The following SH3RF1 variants were observed in gnomAD, a reference collection of about 807,000 sequenced individuals.
SH3RF1 encodes the protein E3 ubiquitin-protein ligase SH3RF1.
A neutral mutation model predicts 74.0 loss-of-function variants in SH3RF1; 32 were observed. The observed-to-expected ratio is 0.43, with a 90% CI of 0.33 to 0.58. The LOEUF (loss-of-function observed/expected upper bound fraction) is 0.58. Among genes scored for constraint, SH3RF1 ranks in the 20% least tolerant of loss-of-function variants. The pLI is 0.05. For missense variants in SH3RF1, 954 were observed against 1,130.9 expected, an observed-to-expected ratio of 0.84 and a Z score of 2.24; for synonymous variants, 396 against 439.6, an observed-to-expected ratio of 0.90 and a Z score of 1.24.
chr4:169,146,232 C>CTT (rs70961576), intron 4 of SH3RF1, among the ~76,000 whole-genome samples: 8 of 132,628 alleles, frequency 6.0e-5, no homozygotes, highest in Non-Finnish European at 1.1e-4. Flanking sequence ...TATATATATA[C>CTT]TTTTTTTTTT....
chr4:169,127,960 C>A (rs990973957), intron 6 of SH3RF1, among the ~76,000 whole-genome samples: 27 of 152,090 alleles, frequency 1.8e-4, no homozygotes, highest in African/African-American at 6.3e-4. Context: ...ATCCCAAATC[C>A]AAAAATCTGA....
At chr4:169,236,451 T>A (rs1730825457) in intron 2 of SH3RF1, among the ~76,000 whole-genome samples, 1 of 152,164 alleles carries the variant, frequency 6.6e-6, no homozygotes, top group Non-Finnish European at 1.5e-5. Flanking sequence ...GTATTAAGCA[T>A]CTCAAATTTC....
At position 169,215,473 on chromosome 4, in the gene SH3RF1, A is replaced by T. The variant is rs972731378; in HGVS notation, c.393+53347T>A. Among the ~76,000 whole-genome samples, 7 of 152,200 alleles carry T rather than the reference A, an allele frequency of 4.6e-5. No homozygotes were observed. In the South Asian group the frequency reaches 1.4e-3, roughly 32 times the overall value. On this transcript the variant is annotated intron_variant, in intron 2 of 11. Transcript: ENST00000284637. The stretch of plus-strand genomic sequence containing the variant: ...TGCTGGCCTCATACAGTAAGTTACA[A>T]AGTATTCCCTCTGCATCTATCTTCT...
chr4:169,151,063 T>G (rs1417099711), intron 4 of SH3RF1, among the ~76,000 whole-genome samples: 1 of 152,188 alleles, frequency 6.6e-6, no homozygotes, highest in Non-Finnish European at 1.5e-5. Flanking sequence ...AATGTAGAAG[T>G]TGGCAAAATC....
chr4:169,226,303 A>G lies in SH3RF1; in HGVS notation c.393+42517T>C, dbSNP rs144481797. 1.1e-3 allele frequency among the ~76,000 whole-genome samples: 165 copies of G among 152,330 alleles called. 5 individuals are homozygous for G. In the East Asian group the frequency reaches 0.029, roughly 27 times the overall value. On this transcript the variant is annotated intron_variant, in intron 2 of 11. Coordinates refer to ENST00000284637, the MANE Select transcript of SH3RF1 (RefSeq NM_020870.4). ...TAAACTCCCACTTGGTTTGTCTTTC[A>G]CAGTCACTTGACATTTATAATTCAG...
intron 2 of SH3RF1, among the ~76,000 whole-genome samples, chr4:169,261,936 A>T (rs575083231): frequency 1.3e-5 from 2 of 152,234 alleles, no homozygotes; most frequent in East Asian, 3.9e-4. Context: ...TTTTTCTTAC[A>T]CTGAGTATTT....
chr4:169,185,568 A>G (rs1734587179), intron 2 of SH3RF1, among the ~76,000 whole-genome samples: 1 of 152,188 alleles, frequency 6.6e-6, no homozygotes, highest in South Asian at 2.1e-4. Context: ...TGGATAGGAA[A>G]GTGAGATAAA....
Position 169,221,086 on chromosome 4 carries a change from T to C in SH3RF1, c.393+47734A>G, listed in dbSNP as rs147817013. Among the ~76,000 whole-genome samples, 248 of 152,340 alleles carry C rather than the reference T, an allele frequency of 1.6e-3. 1 individual carries two copies. The highest frequency in any genetic ancestry group is 2.8e-3 in the Non-Finnish European group (193 of 68,032). ...GTTAATCAGAAATGAGAGGCGCACA[T>C]AGCATTTTATACTGTTTTCGATTTG... is the stretch of plus-strand genomic sequence containing the variant. On this transcript the variant is annotated intron_variant, in intron 2 of 11. Transcript: ENST00000284637.
intron 2 of SH3RF1, among the ~76,000 whole-genome samples, chr4:169,201,536 A>C (rs1734908255): frequency 6.6e-6 from 1 of 152,258 alleles, no homozygotes; most frequent in South Asian, 2.1e-4. Context: ...GAGACCAGGC[A>C]TTTAGACTTC....
intron 2 of SH3RF1, among the ~76,000 whole-genome samples, chr4:169,215,233 T>G (rs1730443840): frequency 6.6e-6 from 1 of 152,212 alleles, no homozygotes; most frequent in Non-Finnish European, 1.5e-5. Context: ...CTTCTTTAGT[T>G]TGTTGCTGTG....
chr4:169,234,906 T>C (rs2127009394), intron 2 of SH3RF1, among the ~76,000 whole-genome samples: 1 of 152,196 alleles, frequency 6.6e-6, no homozygotes, highest in East Asian at 1.9e-4. Context: ...ACCCACGAGA[T>C]GCCAGTAGCA....
chr4:169,191,754 C>T (rs1479512201), intron 2 of SH3RF1, among the ~76,000 whole-genome samples: 1 of 152,044 alleles, frequency 6.6e-6, no homozygotes, highest in Non-Finnish European at 1.5e-5. Flanking sequence ...TTATAGCCAA[C>T]TGATCTTCGA....
chr4:169,215,256 A>G (rs1730443989), intron 2 of SH3RF1, among the ~76,000 whole-genome samples: 1 of 152,186 alleles, frequency 6.6e-6, no homozygotes, highest in Non-Finnish European at 1.5e-5. Context: ...GGATTACATT[A>G]ATTGATTTTT....
At chr4:169,232,525 CTCA>C (rs1293536814) in intron 2 of SH3RF1, among the ~76,000 whole-genome samples, 1 of 152,188 alleles carries the variant, frequency 6.6e-6, no homozygotes, top group East Asian at 1.9e-4. Context: ...TCCAAGACTT[CTCA>C]TCATCCCACT....
intron 2 of SH3RF1, among the ~76,000 whole-genome samples, chr4:169,253,521 C>T (rs191638462): frequency 6.6e-6 from 1 of 152,286 alleles, no homozygotes; most frequent in Non-Finnish European, 1.5e-5. Context: ...TTTATTCTAA[C>T]TGCCCTTTTC....
At chr4:169,157,178 G>A (rs1469388827) in intron 2 of SH3RF1, among the ~76,000 whole-genome samples, 1 of 152,140 alleles carries the variant, frequency 6.6e-6, no homozygotes, top group Non-Finnish European at 1.5e-5. Flanking sequence ...CGGCTTTTAG[G>A]CAAATCTCTT....
In SH3RF1 at chr4:169,109,386, T is replaced by G. The variant is rs74480094; in HGVS notation, c.2140-2181A>C. 4.1e-3 allele frequency among the ~76,000 whole-genome samples: 625 copies of G among 152,302 alleles called. 5 individuals are homozygous for G. Among genetic ancestry groups the G allele is most frequent in the African/African-American group, 0.015 (606 of 41,560 alleles). ...GATGACTTAATTCATCTAAAATGAT[T>G]AAACACATTAAATACAGCTTGCTTT... On this transcript the variant is annotated intron_variant, in intron 10 of 11. Coordinates refer to ENST00000284637, the MANE Select transcript of SH3RF1 (RefSeq NM_020870.4).
chr4:169,143,076 C>T (rs983173786), intron 4 of SH3RF1, among the ~76,000 whole-genome samples: 1 of 152,138 alleles, frequency 6.6e-6, no homozygotes, highest in African/African-American at 2.4e-5. Context: ...ATTAAGGTCT[C>T]TGTAAATATT....
rs776944631 is a variant in SH3RF1, at chr4:169,268,960, G to C, written c.253C>G (p.Pro85Ala). 3.7e-6 allele frequency: 6 copies of C among 1,614,122 alleles called. No individual in the cohort carries two copies. Among genetic ancestry groups the C allele is most frequent in the Non-Finnish European group, 4.2e-6 (5 of 1,180,038 alleles). Residue 85 changes from proline (P) to alanine (A), a missense_variant, in exon 2 of 12, where the codon CCT becomes GCT. Coordinates refer to ENST00000284637, the MANE Select transcript of SH3RF1 (RefSeq NM_020870.4). ...CAGTTGGTCCCACTTCCCCCACCAG[G>C]ACCAGGTTTCCAAGGCCTCTGTTTG... is the stretch of plus-strand genomic sequence containing the variant. The part of the protein sequence containing the change: ...GIKQRPWKPG[P>A]GGGSGTNCTN...
Sources: allele counts gnomAD v4.1 joint callset (sites outside exome capture counted in the v4.1 genomes callset), GRCh38; gene constraint gnomAD v4.1.1; transcripts MANE v1.5; gene names NCBI Gene and HGNC (gene_info 2026-07-23, HGNC 2026-07-21).